The following TUSC3 variants were observed in gnomAD, a reference collection of about 807,000 sequenced individuals.
TUSC3 encodes tumor suppressor candidate 3.
In TUSC3, 45 loss-of-function variants were observed where a neutral mutation model predicts 44.8. The observed-to-expected ratio is 1.00, with a 90% confidence interval of 0.79 to 1.29. The LOEUF is 1.29. Among genes scored for constraint, TUSC3 ranks in the 50% most tolerant of loss-of-function variants. The pLI, the probability that TUSC3 is intolerant of heterozygous loss-of-function variation, is 0.00. For missense variants in TUSC3, 519 were observed against 437.9 expected, an observed-to-expected ratio of 1.19 and a Z score of -1.65; for synonymous variants, 212 against 152.9, an observed-to-expected ratio of 1.39 and a Z score of -2.85.
Position 15,730,637 on chromosome 8 carries a change from C to T in TUSC3, c.799-29C>T. ...AAAATAATTATGAGGCTTTCTCAGACTGTAATTTCTGTTTGTCTTCTTTTA... is the reference window on the plus strand; with the variant it reads ...AAAATAATTATGAGGCTTTCTCAGATTGTAATTTCTGTTTGTCTTCTTTTA... On this transcript the variant is annotated intron_variant, in intron 6 of 10. Coordinates refer to ENST00000503731, the MANE Select transcript of TUSC3 (RefSeq NM_006765.4). 2.5e-6 allele frequency: 4 copies of T among 1,607,944 alleles called. No homozygotes were observed. The South Asian group carries it at 4.4e-5, about 18-fold the overall frequency.
chr8:15,525,508 G>A (rs1801361409), intron 2 of TUSC3, among the ~76,000 whole-genome samples: 1 of 152,080 alleles, frequency 6.6e-6, no homozygotes, highest in South Asian at 2.1e-4. Context: ...GTATAATATG[G>A]CAAATACTGA....
At chr8:15,629,269 AGGATGATAT>A (rs1805648538) in intron 2 of TUSC3, among the ~76,000 whole-genome samples, 1 of 152,240 alleles carries the variant, frequency 6.6e-6, no homozygotes, top group South Asian at 2.1e-4. Context: ...TTTATATTAT[AGGATGATAT>A]GAATTTCAAA....
At chr8:15,534,317 G>C (rs1156516092) in intron 2 of TUSC3, among the ~76,000 whole-genome samples, 2 of 152,000 alleles carry the variant, frequency 1.3e-5, no homozygotes, top group Non-Finnish European at 2.9e-5. Context: ...ACAAAACTAG[G>C]GTTAAATTTC....
chr8:15,817,263 G>C, the TUSC3 span, among the ~76,000 whole-genome samples: 1 of 151,936 alleles, frequency 6.6e-6, no homozygotes, highest in Non-Finnish European at 1.5e-5. Context: ...GTTCTTCATG[G>C]TATGTGGTGG....
At chr8:15,510,020 A>G (rs1201277527) in intron 2 of TUSC3, among the ~76,000 whole-genome samples, 1 of 152,098 alleles carries the variant, frequency 6.6e-6, no homozygotes, top group East Asian at 1.9e-4. Flanking sequence ...AAATAAAAAG[A>G]AAAATAGCGA....
chr8:15,791,986 A>G, the TUSC3 span, among the ~76,000 whole-genome samples: 1 of 152,108 alleles, frequency 6.6e-6, no homozygotes, highest in Non-Finnish European at 1.5e-5. Flanking sequence ...CGTTCAAGAC[A>G]TTCCTTTTTC....
chr8:15,697,367 C>T (rs1005218478), intron 6 of TUSC3, among the ~76,000 whole-genome samples: 39 of 152,144 alleles, frequency 2.6e-4, no homozygotes, highest in African/African-American at 8.9e-4. Flanking sequence ...TGAGCTGTGA[C>T]CTTAGATGGT....
rs900435745 is a variant in TUSC3, at chr8:15,650,902, A to G, written c.426+88A>G. 5.0e-6 allele frequency: 7 copies of G among 1,401,878 alleles called. No homozygotes were observed. In the African/African-American group the frequency reaches 8.5e-5, roughly 17 times the overall value. 86.8% of individuals were successfully genotyped at this position (1,401,878 alleles called of 1,614,324 possible). ...TGTCACATAAAAATACAATTCATTC[A>G]TCGTCTGAACCTGGGAGGCGGAGGT... On this transcript the variant is annotated intron_variant, in intron 3 of 10. Coordinates refer to ENST00000503731, the MANE Select transcript of TUSC3 (RefSeq NM_006765.4).
chr8:15,498,463 G>C (rs141168201), intron 2 of TUSC3, among the ~76,000 whole-genome samples: 1,902 of 152,296 alleles, frequency 0.012, 39 homozygotes, highest in African/African-American at 0.043. Context: ...GAAAACTACA[G>C]TTTAAGAGCC....
intron 6 of TUSC3, chr8:15,689,108 G>T (rs562404018): frequency 2.7e-5 from 10 of 376,772 alleles, no homozygotes; most frequent in Non-Finnish European, 5.3e-5. Flanking sequence ...GTAGCTGCTC[G>T]TCTTGTCTTG....
intron 2 of TUSC3, among the ~76,000 whole-genome samples, chr8:15,534,344 T>G (rs1453839515): frequency 6.6e-6 from 1 of 152,112 alleles, no homozygotes; most frequent in Non-Finnish European, 1.5e-5. Flanking sequence ...TTAAAATATC[T>G]GATAAAAACT....
chr8:15,819,101 C>T, the TUSC3 span, among the ~76,000 whole-genome samples: 3 of 152,048 alleles, frequency 2.0e-5, no homozygotes, highest in African/African-American at 4.8e-5. Flanking sequence ...AAATTCACAG[C>T]ATTCTTGATT....
rs934167856 is a variant in TUSC3, at chr8:15,640,525, G to A, written c.309-10172G>A. Among the ~76,000 whole-genome samples, 3 of 152,152 alleles carry A rather than the reference G, an allele frequency of 2.0e-5. No homozygotes were observed. In the East Asian group the frequency reaches 5.8e-4, roughly 29 times the overall value. On this transcript the variant is annotated intron_variant, in intron 2 of 10. Transcript: ENST00000503731. ...TGTTTTCTCCTGGTCTTGGCAAGAA[G>A]TTATATATTTAATATTCATTTTAGT...
At chr8:15,652,791 A>G (rs923197360) in intron 3 of TUSC3, among the ~76,000 whole-genome samples, 4 of 152,168 alleles carry the variant, frequency 2.6e-5, no homozygotes, top group African/African-American at 9.7e-5. Flanking sequence ...AGTCTTCTAG[A>G]TCCAACAAGA....
At chr8:15,610,302 G>A (rs1037044390) in intron 1 of TUSC3, among the ~76,000 whole-genome samples, 1 of 152,060 alleles carries the variant, frequency 6.6e-6, no homozygotes, top group Non-Finnish European at 1.5e-5. Flanking sequence ...TGATGTTTTC[G>A]CTGATAAAAT....
chr8:15,688,833 A>G (rs1343287036), intron 6 of TUSC3: 1 of 154,148 alleles, frequency 6.5e-6, no homozygotes, highest in East Asian at 1.9e-4. Context: ...ACTCAGCGTA[A>G]TTAATCCAGT....
intron 6 of TUSC3, among the ~76,000 whole-genome samples, chr8:15,721,283 A>T (rs527641552): frequency 5.1e-4 from 78 of 152,246 alleles, no homozygotes; most frequent in Admixed American, 4.2e-3. Context: ...TTAGACAATC[A>T]CAAGTGCAAA....
At chr8:15,454,939 A>C (rs901392352) in intron 1 of TUSC3, among the ~76,000 whole-genome samples, 1 of 152,268 alleles carries the variant, frequency 6.6e-6, no homozygotes, top group African/African-American at 2.4e-5. Flanking sequence ...TAGCAGATGT[A>C]ACAGGCTCTC....
chr8:15,659,612 C>T lies in TUSC3; in HGVS notation c.532C>T (p.Leu178=). ...LQRIGFAAEQ[L]AKWIADRTDV... Reference sequence around the variant, plus strand: ...AAGAATTGGATTTGCAGCTGAGCAACTAGCAAAGTGGATTGCTGACAGAAC... The same window carrying T: ...AAGAATTGGATTTGCAGCTGAGCAATTAGCAAAGTGGATTGCTGACAGAAC... Residue 178 remains leucine (L), a synonymous_variant, in exon 4 of 11, where the codon CTA becomes TTA. Coordinates refer to ENST00000503731, the MANE Select transcript of TUSC3 (RefSeq NM_006765.4). 1 of 1,613,424 alleles carries T rather than the reference C, an allele frequency of 6.2e-7. No homozygotes were observed. The highest frequency in any genetic ancestry group is 8.5e-7 in the Non-Finnish European group (1 of 1,179,684).
Sources: gnomAD v4.1 joint callset for allele counts (sites outside exome capture counted in the v4.1 genomes callset) on GRCh38, gnomAD v4.1.1 for gene constraint, MANE v1.5 for transcripts, NCBI Gene and HGNC (gene_info 2026-07-23, HGNC 2026-07-21) for gene names.